The following MECOM variants were observed in gnomAD, a reference collection of about 807,000 sequenced individuals.
MECOM encodes histone-lysine N-methyltransferase MECOM.
A neutral mutation model predicts 116.3 loss-of-function variants in MECOM; 13 were observed. The ratio of observed to expected loss-of-function variants is 0.11; its 90% CI spans 0.07 to 0.18. MECOM has a LOEUF of 0.18. Ranked by LOEUF, MECOM falls within the 10% of genes least tolerant of loss-of-function variation. The probability of loss-of-function intolerance (pLI) is 1.00; values close to 1 mark genes in which losing one functional copy is unlikely to be tolerated. For synonymous variants in MECOM, 528 were observed against 535.2 expected, an observed-to-expected ratio of 0.99 and a Z score of 0.19; for missense variants, 1,299 against 1,509.0, an observed-to-expected ratio of 0.86 and a Z score of 2.31.
chr3:169,265,729 A>C (rs937030070), intron 2 of MECOM, among the ~76,000 whole-genome samples: 1 of 152,212 alleles, frequency 6.6e-6, no homozygotes, highest in Non-Finnish European at 1.5e-5. Flanking sequence ...ATCTAATGCA[A>C]GAGGATGTGT....
At chr3:169,151,202 A>G (rs1302243888) in intron 2 of MECOM, among the ~76,000 whole-genome samples, 1 of 152,228 alleles carries the variant, frequency 6.6e-6, no homozygotes, top group Non-Finnish European at 1.5e-5. Flanking sequence ...AAAGAAAAGC[A>G]GTCCAGCCAA....
chr3:169,319,539 T>A (rs1199192735), intron 2 of MECOM, among the ~76,000 whole-genome samples: 1 of 138,506 alleles, frequency 7.2e-6, no homozygotes, highest in Non-Finnish European at 1.5e-5. Context: ...TGCACATGTA[T>A]CCTAGAACTT....
At chr3:169,231,867 G>C (rs1419898948) in intron 2 of MECOM, among the ~76,000 whole-genome samples, 1 of 152,040 alleles carries the variant, frequency 6.6e-6, no homozygotes, top group African/African-American at 2.4e-5. Flanking sequence ...TGTATCTACA[G>C]ATCCTATATA....
At chr3:169,524,649 C>T (rs147876658) in intron 1 of MECOM, among the ~76,000 whole-genome samples, 598 of 152,256 alleles carry the variant, frequency 3.9e-3, no homozygotes, top group Admixed American at 6.1e-3. Flanking sequence ...CCAGATACCA[C>T]CATGATTTAA....
At chr3:169,147,062 T>TC in intron 2 of MECOM, 1 of 989,766 alleles carries the variant, frequency 1.0e-6, no homozygotes, top group Non-Finnish European at 1.2e-6. Flanking sequence ...TTTGGCTTTT[T>TC]CCCCCTTCCT....
At chr3:169,465,798 T>C (rs1748215103) in intron 1 of MECOM, among the ~76,000 whole-genome samples, 1 of 152,184 alleles carries the variant, frequency 6.6e-6, no homozygotes, top group East Asian at 1.9e-4. Context: ...AGAATATCCA[T>C]AAAAATTACA....
intron 2 of MECOM, among the ~76,000 whole-genome samples, chr3:169,178,841 C>A (rs1197543575): frequency 6.6e-6 from 1 of 152,136 alleles, no homozygotes; most frequent in Non-Finnish European, 1.5e-5. Flanking sequence ...AATTACATAA[C>A]TGTCTCTTTT....
chr3:169,561,410 G>C (rs1762619461), intron 1 of MECOM, among the ~76,000 whole-genome samples: 1 of 152,104 alleles, frequency 6.6e-6, no homozygotes, highest in African/African-American at 2.4e-5. Flanking sequence ...CAATAAAAAT[G>C]AAAGAATTTG....
chr3:169,147,279 C>A (rs879688954), intron 2 of MECOM: 30 of 985,400 alleles, frequency 3.0e-5, no homozygotes, highest in Non-Finnish European at 3.5e-5. Context: ...GGAGCTCTAT[C>A]CCCCTTTCAG....
intron 1 of MECOM, among the ~76,000 whole-genome samples, chr3:169,648,659 A>C (rs945657222): frequency 4.6e-5 from 7 of 152,278 alleles, no homozygotes; most frequent in African/African-American, 1.7e-4. Context: ...TAGCTCAGCA[A>C]GATGGTTGGC....
chr3:169,657,019 T>C (rs1005001937), intron 1 of MECOM, among the ~76,000 whole-genome samples: 2 of 152,186 alleles, frequency 1.3e-5, no homozygotes, highest in African/African-American at 4.8e-5. Context: ...CCTTCCAACT[T>C]ACAAGGACAT....
chr3:169,201,281 G>A (rs532638799), intron 2 of MECOM, among the ~76,000 whole-genome samples: 98 of 128,256 alleles, frequency 7.6e-4, no homozygotes, highest in Middle Eastern at 4.1e-3. Context: ...GTGTGTGTGT[G>A]TGTAGACAAA....
chr3:169,314,545 C>G (rs892518594), intron 2 of MECOM, among the ~76,000 whole-genome samples: 1 of 152,066 alleles, frequency 6.6e-6, no homozygotes, highest in Non-Finnish European at 1.5e-5. Context: ...CTTAGTAATT[C>G]TCACAACTAC....
In MECOM at chr3:169,160,985, G is replaced by T. The variant is rs149663675; in HGVS notation, c.376-17153C>A. Reference sequence around the variant, plus strand: ...CTGTTCAATTTTGGGTGCAAAAATTGGTTCTGCTGGCTGGGAGTTTATGTT... The same window carrying T: ...CTGTTCAATTTTGGGTGCAAAAATTTGTTCTGCTGGCTGGGAGTTTATGTT... On this transcript the variant is annotated intron_variant, in intron 2 of 16. Coordinates refer to ENST00000651503, the MANE Select transcript of MECOM (RefSeq NM_004991.4). 4.6e-3 allele frequency among the ~76,000 whole-genome samples: 706 copies of T among 152,276 alleles called. 23 individuals are homozygous for T. Among genetic ancestry groups the T allele is most frequent in the Admixed American group, 0.043 (651 of 15,292 alleles).
intron 2 of MECOM, among the ~76,000 whole-genome samples, chr3:169,374,065 G>C (rs1221159526): frequency 6.6e-6 from 1 of 151,844 alleles, no homozygotes; most frequent in African/African-American, 2.4e-5. Flanking sequence ...TCACAAGAGA[G>C]GGTCACCAAT....
rs557271284 is a variant in MECOM, at chr3:169,131,602, A to G, written c.511-71T>C. ...TGTATATATATTAACAAAGGGCAAG[A>G]TATACACTAAGATACCTGTACAAAC... On this transcript the variant is annotated intron_variant, in intron 3 of 16. Transcript: ENST00000651503. 3.4e-6 allele frequency: 4 copies of G among 1,175,160 alleles called. No homozygotes were observed. In the South Asian group the frequency reaches 5.3e-5, roughly 15 times the overall value. 72.8% of individuals were successfully genotyped at this position (1,175,160 alleles called of 1,614,324 possible). A position where few individuals can be genotyped will look rare whatever the true frequency, so the allele number is the denominator to read the frequency against.
intron 2 of MECOM, chr3:169,149,812 A>G: frequency 2.1e-5 from 8 of 381,714 alleles, no homozygotes; most frequent in South Asian, 1.4e-4. Context: ...TATCATCATT[A>G]TCGTCATCAT....
At chr3:169,419,553 AC>A (rs1578045524) in intron 1 of MECOM, among the ~76,000 whole-genome samples, 1 of 152,306 alleles carries the variant, frequency 6.6e-6, no homozygotes, top group East Asian at 1.9e-4. Flanking sequence ...AGATATACAG[AC>A]CAATGGCACA....
intron 1 of MECOM, among the ~76,000 whole-genome samples, chr3:169,651,033 C>T (rs938917285): frequency 2.0e-5 from 3 of 152,168 alleles, no homozygotes; most frequent in African/African-American, 7.2e-5. Context: ...ACTAGGACTT[C>T]CAGTACTGTG....
Sources: gnomAD v4.1 joint callset for allele counts (sites outside exome capture counted in the v4.1 genomes callset) on GRCh38, gnomAD v4.1.1 for gene constraint, MANE v1.5 for transcripts, NCBI Gene and HGNC (gene_info 2026-07-23, HGNC 2026-07-21) for gene names.